DCDC2C: variants seen among roughly 807,000 people sequenced by gnomAD.
The protein encoded by DCDC2C is doublecortin domain-containing protein 2C.
A neutral mutation model predicts 45.0 loss-of-function variants in DCDC2C; 44 were observed. The ratio of observed to expected loss-of-function variants is 0.98; its 90% confidence interval spans 0.77 to 1.26. The LOEUF is 1.26. DCDC2C is among the 50% of genes most tolerant of loss of function. The probability of loss-of-function intolerance (pLI) is 0.00; values close to 1 mark genes in which losing one functional copy is unlikely to be tolerated. For missense variants in DCDC2C, 447 were observed against 468.9 expected (o/e 0.95, Z 0.43); for synonymous variants, 187 against 178.8 (o/e 1.05, Z -0.37).
intron 10 of DCDC2C, among the ~76,000 whole-genome samples, chr2:3,791,676 G>A (rs1023756776): frequency 9.2e-5 from 14 of 152,182 alleles, no homozygotes; most frequent in Middle Eastern, 3.4e-3. Flanking sequence ...CAGCTTCCCC[G>A]GGGGCCTGAT....
intron 2 of DCDC2C, among the ~76,000 whole-genome samples, chr2:3,725,700 G>GGAAGACGAGCAGAGAGGGA (rs1668646225): frequency 1.3e-5 from 2 of 151,166 alleles, no homozygotes; most frequent in Non-Finnish European, 3.0e-5. Context: ...GGATCCCAGA[G>GGAAGACGAGCAGAGAGGGA]GGAGATGAGC....
chr2:3,819,920 G>A (rs1268757663), intron 10 of DCDC2C, among the ~76,000 whole-genome samples: 1 of 152,190 alleles, frequency 6.6e-6, no homozygotes, highest in Non-Finnish European at 1.5e-5. Context: ...TGGGGGAGCA[G>A]AGGCTGAGGA....
intron 3 of DCDC2C, among the ~76,000 whole-genome samples, chr2:3,733,174 T>A (rs1043841029): frequency 1.3e-5 from 2 of 152,288 alleles, no homozygotes; most frequent in South Asian, 4.1e-4. Context: ...GGGCCTCTGG[T>A]AATTGGATAA....
chr2:3,758,385 C>G lies in DCDC2C; in HGVS notation c.726+3751C>G, dbSNP rs572772397. On this transcript the variant is annotated intron_variant, in intron 6 of 10. Transcript: ENST00000399143. ...AATTGTGTGTGGGGTTGATTCTGTACATGTTGAGCTTAACTGCTGTGTAAA... is the reference window on the plus strand; with the variant it reads ...AATTGTGTGTGGGGTTGATTCTGTAGATGTTGAGCTTAACTGCTGTGTAAA... Among the ~76,000 whole-genome samples the G allele has an allele frequency of 3.3e-5, 5 of 152,268 alleles. No individual in the cohort carries two copies. The East Asian group carries it at 9.6e-4, about 29-fold the overall frequency.
chr2:3,747,364 G>T (rs1669402711), intron 4 of DCDC2C, among the ~76,000 whole-genome samples: 1 of 152,238 alleles, frequency 6.6e-6, no homozygotes, highest in Non-Finnish European at 1.5e-5. Flanking sequence ...AGAGACCATG[G>T]TGAACCATGA....
intron 8 of DCDC2C, 60 bp downstream of exon 8, chr2:3,769,471 G>A (rs1201726899): frequency 2.1e-5 from 30 of 1,434,970 alleles, no homozygotes; most frequent in Non-Finnish European, 2.6e-5. Flanking sequence ...GCTCCTGCCC[G>A]CCTCAGCGTC....
chr2:3,754,004 C>T lies in DCDC2C; in HGVS notation c.684-588C>T, dbSNP rs558185514. On this transcript the variant is annotated intron_variant, in intron 5 of 10. Transcript: ENST00000399143. Reference sequence around the variant, plus strand: ...ACACTGTGGGGCTGTGGAGTTGAGTCGTTCTTTCTATCTGCCCCCTACGTG... The same window carrying T: ...ACACTGTGGGGCTGTGGAGTTGAGTTGTTCTTTCTATCTGCCCCCTACGTG... 4.6e-4 allele frequency among the ~76,000 whole-genome samples: 70 copies of T among 152,250 alleles called. 1 individual carries two copies. The highest frequency in any genetic ancestry group is 1.5e-3 in the African/African-American group (61 of 41,542).
At chr2:3,827,002 G>T (rs556518736) in intron 10 of DCDC2C, among the ~76,000 whole-genome samples, 1 of 150,432 alleles carries the variant, frequency 6.6e-6, no homozygotes, top group Non-Finnish European at 1.5e-5. Flanking sequence ...GGACCTATGT[G>T]TGAGGACCTG....
intron 1 of DCDC2C, among the ~76,000 whole-genome samples, chr2:3,705,881 G>A (rs1668051618): frequency 6.6e-6 from 1 of 152,218 alleles, no homozygotes; most frequent in Non-Finnish European, 1.5e-5. Flanking sequence ...AGAGGGAGGG[G>A]AGTTGGGGTC....
At chr2:3,796,234 G>A (rs1572624736) in intron 10 of DCDC2C, among the ~76,000 whole-genome samples, 1 of 105,872 alleles carries the variant, frequency 9.4e-6, no homozygotes, top group Admixed American at 9.4e-5. Flanking sequence ...CTGAGACTTT[G>A]CTGAAGTTGC....
At chr2:3,726,556 G>A (rs1668692918) in intron 2 of DCDC2C, among the ~76,000 whole-genome samples, 1 of 152,186 alleles carries the variant, frequency 6.6e-6, no homozygotes, top group South Asian at 2.1e-4. Context: ...TCCTGGCCAG[G>A]ACATTCTGGT....
chr2:3,770,813 C>T (rs1020219224), intron 8 of DCDC2C, among the ~76,000 whole-genome samples: 10 of 152,120 alleles, frequency 6.6e-5, no homozygotes, highest in South Asian at 2.1e-4. Flanking sequence ...TTTTGGTTGC[C>T]GGTGATTCTG....
intron 10 of DCDC2C, among the ~76,000 whole-genome samples, chr2:3,809,263 A>G (rs1349812194): frequency 1.3e-5 from 2 of 152,134 alleles, no homozygotes; most frequent in African/African-American, 4.8e-5. Context: ...GTGACTTGTC[A>G]ATTTCTGTAG....
At chr2:3,738,316 T>A (rs1372948578) in intron 3 of DCDC2C, among the ~76,000 whole-genome samples, 7 of 152,076 alleles carry the variant, frequency 4.6e-5, no homozygotes, top group Non-Finnish European at 8.8e-5. Flanking sequence ...AAGGAATTAA[T>A]GTTTGTTTTT....
At chr2:3,713,292 C>T (rs1310957254) in intron 2 of DCDC2C, among the ~76,000 whole-genome samples, 1 of 152,208 alleles carries the variant, frequency 6.6e-6, no homozygotes, top group Non-Finnish European at 1.5e-5. Context: ...GCGGAAGGCA[C>T]CTCCCAGTGT....
chr2:3,840,962 G>A (rs368343183), intron 10 of DCDC2C, among the ~76,000 whole-genome samples: 37 of 152,202 alleles, frequency 2.4e-4, no homozygotes, highest in African/African-American at 8.2e-4. Context: ...GACTATGCAT[G>A]GAGCCTTCTA....
Position 3,761,356 on chromosome 2 carries a change from G to A in DCDC2C, c.727-6398G>A, listed in dbSNP as rs1669876787. Among the ~76,000 whole-genome samples, 1 of 152,184 alleles carries A rather than the reference G, an allele frequency of 6.6e-6. No homozygotes were observed. The highest frequency in any genetic ancestry group is 2.1e-4 in the South Asian group (1 of 4,830). ...TGAACGGTAATGAAAAGGAGATAAA[G>A]CATATAAATTAAGGAGGTGCGTGTG... On this transcript the variant is annotated intron_variant, in intron 6 of 10. Coordinates refer to ENST00000399143, the MANE Select transcript of DCDC2C (RefSeq NM_001287444.2). The surrounding 1 kb of genome is among the most constrained non-coding windows in gnomAD (Gnocchi z 4.3).
At chr2:3,805,277 G>A (rs1251822237) in intron 10 of DCDC2C, among the ~76,000 whole-genome samples, 1 of 152,202 alleles carries the variant, frequency 6.6e-6, no homozygotes, top group African/African-American at 2.4e-5. Flanking sequence ...GCAGCTCCCG[G>A]CTGGCACTCG....
At chr2:3,782,570 C>T (rs2148177905) in intron 9 of DCDC2C, among the ~76,000 whole-genome samples, 1 of 151,622 alleles carries the variant, frequency 6.6e-6, no homozygotes, top group East Asian at 2.0e-4. Flanking sequence ...GCTCCGCCTC[C>T]TGGGTTCACA....
Sources: allele counts gnomAD v4.1 joint callset (sites outside exome capture counted in the v4.1 genomes callset), GRCh38; gene constraint gnomAD v4.1.1; non-coding constraint Gnocchi (gnomAD v3.1); transcripts MANE v1.5; gene names NCBI Gene and HGNC (gene_info 2026-07-23, HGNC 2026-07-21).